ADAMTS12: variants seen among roughly 807,000 people sequenced by gnomAD.
The protein encoded by ADAMTS12 is A disintegrin and metalloproteinase with thrombospondin motifs 12.
In ADAMTS12, 118 loss-of-function variants were observed where a neutral mutation model predicts 167.8. The ratio of observed to expected loss-of-function variants is 0.70; its 90% CI spans 0.61 to 0.82. ADAMTS12 has a LOEUF of 0.82. ADAMTS12 is among the 40% of genes least tolerant of loss of function. The pLI, the probability that ADAMTS12 is intolerant of heterozygous loss-of-function variation, is 0.00. For missense variants in ADAMTS12, 1,916 were observed against 1,998.8 expected (o/e 0.96, Z 0.79); for synonymous variants, 704 against 716.9 (o/e 0.98, Z 0.29).
intron 22 of ADAMTS12, among the ~76,000 whole-genome samples, chr5:33,540,025 A>C (rs929244581): frequency 6.6e-6 from 1 of 152,230 alleles, no homozygotes; most frequent in African/African-American, 2.4e-5. Context: ...CGGGAAGTGC[A>C]AGGGGTTGGG....
chr5:33,701,108 A>G (rs1054153387), intron 3 of ADAMTS12, among the ~76,000 whole-genome samples: 1 of 152,142 alleles, frequency 6.6e-6, no homozygotes, highest in Non-Finnish European at 1.5e-5. Flanking sequence ...CAGCATATAC[A>G]ATATAATCCC....
chr5:33,666,557 A>G (rs1213571910), intron 5 of ADAMTS12, among the ~76,000 whole-genome samples: 1 of 151,976 alleles, frequency 6.6e-6, no homozygotes, highest in African/African-American at 2.4e-5. Flanking sequence ...CAGTAGCACA[A>G]ACTCAGCTCA....
At chr5:33,765,340 A>G (rs1174899506) in intron 2 of ADAMTS12, among the ~76,000 whole-genome samples, 21 of 152,214 alleles carry the variant, frequency 1.4e-4, no homozygotes, top group Admixed American at 9.8e-4. Context: ...ATATGCCACA[A>G]TTAAAATAAC....
At chr5:33,778,480 A>G (rs538493580) in intron 2 of ADAMTS12, among the ~76,000 whole-genome samples, 1 of 150,498 alleles carries the variant, frequency 6.6e-6, no homozygotes, top group African/African-American at 2.5e-5. Flanking sequence ...ATTCAGATGA[A>G]TAAAACTGAA....
At chr5:33,644,095 T>C (rs1413984210) in intron 9 of ADAMTS12, among the ~76,000 whole-genome samples, 1 of 152,246 alleles carries the variant, frequency 6.6e-6, no homozygotes, top group South Asian at 2.1e-4. Context: ...TTCTGTCTAT[T>C]CATCTTCCAT....
At chr5:33,670,111 A>G (rs956652814) in intron 5 of ADAMTS12, among the ~76,000 whole-genome samples, 6 of 151,920 alleles carry the variant, frequency 3.9e-5, no homozygotes, top group Non-Finnish European at 8.8e-5. Flanking sequence ...ATATTTGACG[A>G]AAGACTTATA....
chr5:33,613,489 G>A (rs1393236188), intron 16 of ADAMTS12, among the ~76,000 whole-genome samples: 1 of 152,162 alleles, frequency 6.6e-6, no homozygotes, highest in Non-Finnish European at 1.5e-5. Context: ...GTGAGTGGAA[G>A]TGACTTGCAG....
intron 2 of ADAMTS12, among the ~76,000 whole-genome samples, chr5:33,830,196 A>C (rs1372537464): frequency 6.6e-6 from 1 of 152,218 alleles, no homozygotes; most frequent in Non-Finnish European, 1.5e-5. Flanking sequence ...GGAAGACCTC[A>C]GTTAAATGGT....
intron 2 of ADAMTS12, among the ~76,000 whole-genome samples, chr5:33,786,618 C>T (rs1200106251): frequency 1.3e-5 from 2 of 152,104 alleles, no homozygotes; most frequent in East Asian, 1.9e-4. Context: ...CCCTGAGAAC[C>T]TCTTCTCTTG....
intron 2 of ADAMTS12, among the ~76,000 whole-genome samples, chr5:33,825,270 A>G (rs1044717702): frequency 3.9e-5 from 6 of 152,228 alleles, no homozygotes; most frequent in African/African-American, 1.4e-4. Flanking sequence ...TGAAGAGTCA[A>G]GTCATCTACT....
intron 11 of ADAMTS12, among the ~76,000 whole-genome samples, chr5:33,638,376 T>C (rs892924874): frequency 1.3e-5 from 2 of 152,220 alleles, no homozygotes; most frequent in African/African-American, 2.4e-5. Context: ...CCTCCTGAGC[T>C]TGGCATTCAA....
intron 3 of ADAMTS12, among the ~76,000 whole-genome samples, chr5:33,748,717 T>G (rs1380525376): frequency 6.6e-6 from 1 of 152,148 alleles, no homozygotes; most frequent in Non-Finnish European, 1.5e-5. Context: ...TTTCATATAA[T>G]CACAGTAATT....
At chr5:33,822,452 T>C (rs940843127) in intron 2 of ADAMTS12, among the ~76,000 whole-genome samples, 2 of 152,148 alleles carry the variant, frequency 1.3e-5, no homozygotes, top group Non-Finnish European at 2.9e-5. Context: ...ATGAGGAAAT[T>C]GGGTTATATT....
At chr5:33,604,654 G>C (rs1370479268) in intron 16 of ADAMTS12, among the ~76,000 whole-genome samples, 2 of 152,054 alleles carry the variant, frequency 1.3e-5, no homozygotes, top group South Asian at 4.2e-4. Flanking sequence ...CTACCTGCTG[G>C]CTCCATCACT....
intron 2 of ADAMTS12, among the ~76,000 whole-genome samples, chr5:33,770,795 C>G (rs910319826): frequency 1.3e-5 from 2 of 148,356 alleles, no homozygotes; most frequent in Admixed American, 6.7e-5. Context: ...TCTTCTCCTT[C>G]TCCTCCTTCT....
chr5:33,654,017 T>C (rs960786390), intron 7 of ADAMTS12, among the ~76,000 whole-genome samples: 2 of 152,198 alleles, frequency 1.3e-5, no homozygotes, highest in Non-Finnish European at 2.9e-5. Context: ...TCTTTGCTCA[T>C]ACAGATTACA....
chr5:33,873,469 G>T (rs1050384384), intron 2 of ADAMTS12, among the ~76,000 whole-genome samples: 87 of 152,182 alleles, frequency 5.7e-4, no homozygotes, highest in Non-Finnish European at 1.2e-3. Context: ...AAGATTCAAT[G>T]TTATTCAAAT....
Position 33,861,387 on chromosome 5 carries a change from G to A in ADAMTS12, c.489+19732C>T, listed in dbSNP as rs192299944. ...AGCAGGGTTTGCAATACTAGTTTCTGATAAAACAGACTTTAAGCCAAAAAA... is the reference window on the plus strand; with the variant it reads ...AGCAGGGTTTGCAATACTAGTTTCTAATAAAACAGACTTTAAGCCAAAAAA... On this transcript the variant is annotated intron_variant, in intron 2 of 23. Transcript: ENST00000504830. 3.4e-3 allele frequency among the ~76,000 whole-genome samples: 518 copies of A among 152,226 alleles called. 4 individuals carry two copies. The highest frequency in any genetic ancestry group is 0.012 in the African/African-American group (495 of 41,522).
intron 2 of ADAMTS12, among the ~76,000 whole-genome samples, chr5:33,831,250 T>C (rs961252): frequency 0.84 from 127,677 of 152,244 alleles, 53,826 homozygotes; most frequent in Non-Finnish European, 0.88. Flanking sequence ...TTTATATCCC[T>C]TATTAAAGAT....
Sources: gnomAD v4.1 joint callset for allele counts (sites outside exome capture counted in the v4.1 genomes callset) on GRCh38, gnomAD v4.1.1 for gene constraint, MANE v1.5 for transcripts, NCBI Gene and HGNC (gene_info 2026-07-23, HGNC 2026-07-21) for gene names.